PRKG1: variants seen among roughly 807,000 people sequenced by gnomAD.
The protein encoded by PRKG1 is protein kinase cGMP-dependent 1.
Under a neutral mutation model 88.1 loss-of-function variants are expected in PRKG1, and 35 were observed. The ratio of observed to expected loss-of-function variants is 0.40; its 90% CI spans 0.30 to 0.53. The LOEUF (loss-of-function observed/expected upper bound fraction) is 0.53, where lower values mean the gene tolerates loss of function less well. Ranked by LOEUF, PRKG1 falls within the 20% of genes least tolerant of loss-of-function variation. PRKG1 has a pLI of 0.59. For synonymous variants in PRKG1, 303 were observed against 292.5 expected (o/e 1.04, Z -0.37); for missense variants, 540 against 839.8 (o/e 0.64, Z 4.41).
At chr10:51,487,156 G>A (rs761568420) in intron 3 of PRKG1, among the ~76,000 whole-genome samples, 3 of 152,098 alleles carry the variant, frequency 2.0e-5, no homozygotes, top group African/African-American at 7.2e-5. Flanking sequence ...ACCTGTTCAA[G>A]ACATTAAAAG....
At chr10:51,253,903 T>C (rs1030184429) in intron 2 of PRKG1, among the ~76,000 whole-genome samples, 1 of 152,000 alleles carries the variant, frequency 6.6e-6, no homozygotes, top group African/African-American at 2.4e-5. Flanking sequence ...ATATCAACAG[T>C]TGCATATTGT....
intron 4 of PRKG1, among the ~76,000 whole-genome samples, chr10:51,821,249 G>A (rs1839737597): frequency 1.3e-5 from 2 of 152,122 alleles, no homozygotes; most frequent in Admixed American, 1.3e-4. Context: ...CATTTTTACT[G>A]ACAAAGGGCA....
chr10:51,073,327 C>T (rs1013001357), upstream of PRKG1, among the ~76,000 whole-genome samples: 3 of 152,170 alleles, frequency 2.0e-5, no homozygotes, highest in Non-Finnish European at 4.4e-5. Context: ...TCACGATTTT[C>T]CCTCTTCTTC....
At chr10:51,473,441 T>C (rs1262710530) in intron 3 of PRKG1, among the ~76,000 whole-genome samples, 6 of 151,850 alleles carry the variant, frequency 4.0e-5, no homozygotes, top group Non-Finnish European at 7.4e-5. Flanking sequence ...TCAAAGTGTA[T>C]TTATAATTTA....
chr10:51,740,000 CA>C (rs1255759891), intron 3 of PRKG1, among the ~76,000 whole-genome samples: 1 of 152,056 alleles, frequency 6.6e-6, no homozygotes. Context: ...GAGCACTTTA[CA>C]GTCTTAAATA....
chr10:51,375,762 T>G (rs1452606387), intron 2 of PRKG1, among the ~76,000 whole-genome samples: 16 of 91,810 alleles, frequency 1.7e-4, no homozygotes, highest in African/African-American at 3.2e-4. Flanking sequence ...GGTGGGGGGG[T>G]GTTACTATTT....
intron 3 of PRKG1, among the ~76,000 whole-genome samples, chr10:51,666,630 G>A (rs1054068454): frequency 1.3e-5 from 2 of 152,212 alleles, no homozygotes; most frequent in East Asian, 3.9e-4. Flanking sequence ...TCTGAGCTTT[G>A]CCAGAACAAT....
chr10:51,811,657 C>A (rs1839459190), intron 4 of PRKG1, among the ~76,000 whole-genome samples: 1 of 152,164 alleles, frequency 6.6e-6, no homozygotes, highest in African/African-American at 2.4e-5. Context: ...AGAATATCAT[C>A]TTTGTTTTGT....
Position 51,559,944 on chromosome 10 carries a change from T to A in PRKG1, c.592+92108T>A, listed in dbSNP as rs117127842. Among the ~76,000 whole-genome samples, 11 of 152,284 alleles carry A rather than the reference T, an allele frequency of 7.2e-5. No individual in the cohort carries two copies. In the East Asian group the frequency reaches 2.1e-3, roughly 29 times the overall value. On this transcript the variant is annotated intron_variant, in intron 3 of 17. Coordinates refer to ENST00000373980, the MANE Select transcript of PRKG1 (RefSeq NM_006258.4). ...AGTATCCTCTCCCTGATCACTCATT[T>A]GCATATGGTCTACAAAATGTTAATT...
chr10:51,613,634 T>C (rs1838969812), intron 3 of PRKG1, among the ~76,000 whole-genome samples: 1 of 151,884 alleles, frequency 6.6e-6, no homozygotes. Context: ...ATTTCTGTAA[T>C]GTTCCCTCTT....
chr10:51,142,680 T>C (rs962364630), intron 1 of PRKG1, among the ~76,000 whole-genome samples: 1 of 152,150 alleles, frequency 6.6e-6, no homozygotes, highest in African/African-American at 2.4e-5. Flanking sequence ...ATCTAACCTC[T>C]TTATACTTTT....
At chr10:51,031,499 A>G (rs1209234073) in intron 1 of PRKG1, among the ~76,000 whole-genome samples, 2 of 152,178 alleles carry the variant, frequency 1.3e-5, no homozygotes, top group African/African-American at 4.8e-5. Flanking sequence ...ATCTAGACCC[A>G]AGGATTGGAG....
intron 4 of PRKG1, among the ~76,000 whole-genome samples, chr10:51,856,974 AG>A (rs66827076): frequency 0.35 from 36,377 of 104,082 alleles, 5,472 homozygotes; most frequent in African/African-American, 0.5. Context: ...ACTAAAAAAA[AG>A]AAAAAAAAAA....
At chr10:51,324,703 T>C (rs940406129) in intron 2 of PRKG1, among the ~76,000 whole-genome samples, 8 of 152,128 alleles carry the variant, frequency 5.3e-5, no homozygotes, top group Non-Finnish European at 2.9e-5. Flanking sequence ...ATCGCGCCAC[T>C]GCACTCCAGC....
chr10:52,086,407 ATTTT>A (rs34889827), intron 7 of PRKG1, among the ~76,000 whole-genome samples: 124 of 140,366 alleles, frequency 8.8e-4, no homozygotes, highest in Admixed American at 2.1e-3. Flanking sequence ...TATAGGTATG[ATTTT>A]TTTTTTTTTT....
At chr10:51,361,429 A>C (rs1021327684) in intron 2 of PRKG1, among the ~76,000 whole-genome samples, 1 of 151,938 alleles carries the variant, frequency 6.6e-6, no homozygotes, top group Non-Finnish European at 1.5e-5. Context: ...AACCCTATCC[A>C]ACTTAAATTA....
intron 1 of PRKG1, among the ~76,000 whole-genome samples, chr10:51,064,223 T>C (rs981609591): frequency 6.6e-6 from 1 of 152,072 alleles, no homozygotes; most frequent in African/African-American, 2.4e-5. Flanking sequence ...GAAATGGTGC[T>C]TCCAAAAGGA....
chr10:51,194,806 A>G (rs1837720638), intron 2 of PRKG1, among the ~76,000 whole-genome samples: 1 of 152,152 alleles, frequency 6.6e-6, no homozygotes, highest in South Asian at 2.1e-4. Context: ...TTCTTGTTGC[A>G]TCATCTCATG....
At chr10:52,143,174 G>A (rs548688216) in intron 8 of PRKG1, among the ~76,000 whole-genome samples, 3 of 152,276 alleles carry the variant, frequency 2.0e-5, no homozygotes, top group Admixed American at 2.0e-4. Flanking sequence ...CTACTCCTGT[G>A]AGAGAGAGCA....
Sources: allele counts gnomAD v4.1 joint callset (sites outside exome capture counted in the v4.1 genomes callset), GRCh38; gene constraint gnomAD v4.1.1; transcripts MANE v1.5; gene names NCBI Gene and HGNC (gene_info 2026-07-23, HGNC 2026-07-21).